Variants in RBFOX1 observed in about 807,000 individuals in gnomAD.
RBFOX1 encodes RNA binding fox-1 homolog 1.
RBFOX1 carries 8 observed loss-of-function variants against 57.7 expected under a neutral mutation model. The observed-to-expected ratio is 0.14, with a 90% CI of 0.08 to 0.25. RBFOX1 has a LOEUF of 0.25. Among genes scored for constraint, RBFOX1 ranks in the 10% least tolerant of loss-of-function variants. RBFOX1 has a pLI of 1.00. For missense variants in RBFOX1, 611 were observed against 548.5 expected (o/e 1.11, Z -1.14); for synonymous variants, 326 against 222.4 (o/e 1.47, Z -4.15).
At chr16:6,893,340 C>G (rs1299342897) in intron 3 of RBFOX1, among the ~76,000 whole-genome samples, 1 of 152,148 alleles carries the variant, frequency 6.6e-6, no homozygotes, top group Non-Finnish European at 1.5e-5. Flanking sequence ...TATAGGTCAT[C>G]TAAAAATACA....
intron 3 of RBFOX1, among the ~76,000 whole-genome samples, chr16:5,784,143 C>G (rs942514787): frequency 6.6e-6 from 1 of 152,036 alleles, no homozygotes; most frequent in African/African-American, 2.4e-5. Flanking sequence ...AGCAGGCAGC[C>G]GGGCGCGGTG....
At chr16:5,950,109 G>A (rs927345732) in intron 4 of RBFOX1, among the ~76,000 whole-genome samples, 2 of 152,222 alleles carry the variant, frequency 1.3e-5, no homozygotes, top group African/African-American at 4.8e-5. Context: ...CTTCTGCAAT[G>A]TAGAGACGTT....
intron 1 of RBFOX1, among the ~76,000 whole-genome samples, chr16:6,185,115 T>C (rs1383723293): frequency 6.6e-6 from 1 of 152,198 alleles, no homozygotes; most frequent in East Asian, 1.9e-4. Context: ...ACTTTCCTTC[T>C]TATGGATGGC....
chr16:5,584,802 T>G (rs1346121986), intron 2 of RBFOX1, among the ~76,000 whole-genome samples: 1 of 152,230 alleles, frequency 6.6e-6, no homozygotes, highest in Non-Finnish European at 1.5e-5. Context: ...GGCAACTGTA[T>G]TAGACATTGC....
intron 4 of RBFOX1, among the ~76,000 whole-genome samples, chr16:7,327,776 A>G (rs900527449): frequency 3.3e-5 from 5 of 151,712 alleles, no homozygotes; most frequent in African/African-American, 1.2e-4. Flanking sequence ...GCATAAATCT[A>G]GATTTTATAT....
chr16:6,984,404 C>T (rs1413386840), intron 3 of RBFOX1, among the ~76,000 whole-genome samples: 3 of 152,082 alleles, frequency 2.0e-5, no homozygotes, highest in Admixed American at 6.6e-5. Context: ...GCATCCTCAC[C>T]AGCCTAGGGG....
At chr16:5,364,592 A>C (rs570996710) in intron 1 of RBFOX1, among the ~76,000 whole-genome samples, 4 of 152,312 alleles carry the variant, frequency 2.6e-5, no homozygotes, top group South Asian at 4.1e-4. Context: ...TCTATCTAAA[A>C]ATCTCTCCCT....
At chr16:5,354,892 C>G (rs978250114) in intron 1 of RBFOX1, among the ~76,000 whole-genome samples, 8 of 152,140 alleles carry the variant, frequency 5.3e-5, no homozygotes, top group African/African-American at 1.9e-4. Flanking sequence ...TTCCAGTGGC[C>G]TTCTTGGAGA....
intron 3 of RBFOX1, among the ~76,000 whole-genome samples, chr16:5,838,947 A>T (rs935296804): frequency 3.4e-4 from 51 of 152,176 alleles, no homozygotes; most frequent in African/African-American, 1.2e-3. Context: ...GCTGGAGGAA[A>T]AGTTTGCACC....
At chr16:7,201,862 G>A (rs548340266) in intron 4 of RBFOX1, among the ~76,000 whole-genome samples, 11 of 152,306 alleles carry the variant, frequency 7.2e-5, no homozygotes, top group Admixed American at 2.6e-4. Context: ...GTAGACTGTA[G>A]ATCAGAGGGA....
intron 2 of RBFOX1, among the ~76,000 whole-genome samples, chr16:6,448,064 C>A (rs2094520218): frequency 6.6e-6 from 1 of 151,610 alleles, no homozygotes; most frequent in Non-Finnish European, 1.5e-5. Flanking sequence ...TAATTCAATG[C>A]ATTTTCTCTG....
chr16:6,846,569 T>C (rs1471410778), intron 3 of RBFOX1, among the ~76,000 whole-genome samples: 2 of 152,138 alleles, frequency 1.3e-5, no homozygotes, highest in African/African-American at 2.4e-5. Context: ...GCTGCTGCAA[T>C]GCGAGATTGG....
chr16:7,700,877 T>A (rs2080456065), intron 14 of RBFOX1, among the ~76,000 whole-genome samples: 1 of 152,172 alleles, frequency 6.6e-6, no homozygotes, highest in Non-Finnish European at 1.5e-5. Flanking sequence ...AGAGAAAAGA[T>A]GATGTGATCT....
chr16:6,828,613 A>G (rs374790396), intron 3 of RBFOX1, among the ~76,000 whole-genome samples: 82 of 152,084 alleles, frequency 5.4e-4, no homozygotes, highest in African/African-American at 1.9e-3. Flanking sequence ...CAAGCTGGCT[A>G]AGACCAAGTG....
At chr16:5,579,150 A>G (rs971357877) in intron 2 of RBFOX1, among the ~76,000 whole-genome samples, 10 of 151,804 alleles carry the variant, frequency 6.6e-5, no homozygotes, top group Non-Finnish European at 8.8e-5. Flanking sequence ...GCCTGGCCAC[A>G]CCCCTAATTC....
intron 1 of RBFOX1, among the ~76,000 whole-genome samples, chr16:5,444,055 T>C (rs1206316680): frequency 1.3e-5 from 2 of 152,214 alleles, no homozygotes; most frequent in African/African-American, 2.4e-5. Flanking sequence ...GTTTTAGCAC[T>C]AATGAATTGT....
At chr16:6,599,817 G>C (rs2097827517) in intron 2 of RBFOX1, among the ~76,000 whole-genome samples, 1 of 152,060 alleles carries the variant, frequency 6.6e-6, no homozygotes, top group Non-Finnish European at 1.5e-5. Flanking sequence ...CAATTAATGA[G>C]AGCACTTAGC....
At chr16:7,046,965 C>T (rs928019693) in intron 3 of RBFOX1, among the ~76,000 whole-genome samples, 2 of 151,638 alleles carry the variant, frequency 1.3e-5, no homozygotes, top group Non-Finnish European at 2.9e-5. Context: ...TCATGCACTT[C>T]CCTCCCCCCC....
intron 5 of RBFOX1, among the ~76,000 whole-genome samples, chr16:7,552,386 C>T (rs113640986): frequency 0.014 from 2,166 of 152,268 alleles, 31 homozygotes; most frequent in Admixed American, 0.024. Context: ...AGTACTTCAG[C>T]ACTGGAAGGT....
Sources: gnomAD v4.1 joint callset for allele counts (sites outside exome capture counted in the v4.1 genomes callset) on GRCh38, gnomAD v4.1.1 for gene constraint, MANE v1.5 for transcripts, NCBI Gene and HGNC (gene_info 2026-07-23, HGNC 2026-07-21) for gene names.